RBFOX1: variants seen among roughly 807,000 people sequenced by gnomAD.
RBFOX1 encodes the protein RNA binding protein fox-1 homolog 1.
Under a neutral mutation model 57.7 loss-of-function variants are expected in RBFOX1, and 8 were observed. The ratio of observed to expected loss-of-function variants is 0.14; its 90% CI spans 0.08 to 0.25. The LOEUF (loss-of-function observed/expected upper bound fraction) is 0.25. Among genes scored for constraint, RBFOX1 ranks in the 10% least tolerant of loss-of-function variants. The pLI is 1.00. For synonymous variants in RBFOX1, 326 were observed against 222.4 expected (o/e 1.47, Z -4.15); for missense variants, 611 against 548.5 (o/e 1.11, Z -1.14).
intron 4 of RBFOX1, among the ~76,000 whole-genome samples, chr16:5,899,841 A>G (rs2058263716): frequency 1.3e-5 from 2 of 152,308 alleles, no homozygotes; most frequent in South Asian, 2.1e-4. Context: ...TGGGAGACTG[A>G]GGCAGGTGGA....
At chr16:5,819,352 C>T (rs2055763089) in intron 3 of RBFOX1, among the ~76,000 whole-genome samples, 1 of 152,156 alleles carries the variant, frequency 6.6e-6, no homozygotes. Flanking sequence ...GGGGCCTCAC[C>T]TCTTTTAGGG....
intron 2 of RBFOX1, among the ~76,000 whole-genome samples, chr16:6,571,413 T>A (rs1017380056): frequency 6.6e-6 from 1 of 152,166 alleles, no homozygotes; most frequent in Non-Finnish European, 1.5e-5. Flanking sequence ...GTGACTGTGA[T>A]CTATGGCAGA....
At chr16:6,776,866 A>T (rs963299637) in intron 3 of RBFOX1, among the ~76,000 whole-genome samples, 1 of 152,360 alleles carries the variant, frequency 6.6e-6, no homozygotes, top group Non-Finnish European at 1.5e-5. Context: ...TGTGAAATGA[A>T]CATGGCATGT....
chr16:5,537,703 C>A (rs932815582), intron 2 of RBFOX1, among the ~76,000 whole-genome samples: 3 of 152,142 alleles, frequency 2.0e-5, no homozygotes, highest in Non-Finnish European at 2.9e-5. Context: ...CTGGTTGAAT[C>A]CTTCTCATTT....
intron 10 of RBFOX1, among the ~76,000 whole-genome samples, chr16:7,628,344 CATTT>C (rs1315599566): frequency 1.3e-5 from 2 of 152,054 alleles, no homozygotes; most frequent in Admixed American, 6.6e-5. Context: ...GAAACACATT[CATTT>C]ATTTCTAAGA....
chr16:5,945,223 A>C (rs193002229), intron 4 of RBFOX1, among the ~76,000 whole-genome samples: 11 of 152,174 alleles, frequency 7.2e-5, no homozygotes, highest in African/African-American at 2.7e-4. Context: ...CAGATAAAAA[A>C]GCTGCCTGGC....
intron 4 of RBFOX1, among the ~76,000 whole-genome samples, chr16:5,958,557 G>C (rs1222127371): frequency 6.6e-6 from 1 of 152,220 alleles, no homozygotes; most frequent in Non-Finnish European, 1.5e-5. Flanking sequence ...GGGATGATAA[G>C]AGCAGGTGAG....
At chr16:5,818,353 G>T (rs1438816373) in intron 3 of RBFOX1, among the ~76,000 whole-genome samples, 2 of 152,150 alleles carry the variant, frequency 1.3e-5, no homozygotes, top group African/African-American at 2.4e-5. Flanking sequence ...TGTATATCAT[G>T]GGGTTCTCGC....
intron 4 of RBFOX1, among the ~76,000 whole-genome samples, chr16:7,487,309 T>G (rs189735197): frequency 6.6e-6 from 1 of 152,168 alleles, no homozygotes; most frequent in Non-Finnish European, 1.5e-5. Context: ...AGCGGCCCCA[T>G]CACTGTCTTG....
At chr16:6,646,669 A>T (rs571291540) in intron 2 of RBFOX1, among the ~76,000 whole-genome samples, 1 of 152,256 alleles carries the variant, frequency 6.6e-6, no homozygotes, top group East Asian at 1.9e-4. Context: ...GGGCAAAAGC[A>T]GACAGAGAGC....
rs987476435 is a variant in RBFOX1 at position 7,054,315 on chromosome 16, C to A, written c.27+2217C>A. Among the ~76,000 whole-genome samples the A allele has an allele frequency of 5.3e-5, 7 of 132,428 alleles. No homozygotes were observed. In the Admixed American group the frequency reaches 6.5e-4, roughly 12 times the overall value. The allele number at this position is 132,428 out of a possible 152,430, so 86.9% of individuals were successfully genotyped here. On this transcript the variant is annotated intron_variant, in intron 4 of 15. Coordinates refer to ENST00000550418, the MANE Select transcript of RBFOX1 (RefSeq NM_018723.4). Reference sequence around the variant, plus strand: ...AGTGCCGTGGCGCAATCTCAGTTCACCGCAACCTCTGACTCCCTGGTTTAA... The same window carrying A: ...AGTGCCGTGGCGCAATCTCAGTTCAACGCAACCTCTGACTCCCTGGTTTAA...
chr16:5,744,156 A>G (rs999162305), intron 3 of RBFOX1, among the ~76,000 whole-genome samples: 1 of 151,906 alleles, frequency 6.6e-6, no homozygotes, highest in Non-Finnish European at 1.5e-5. Context: ...TGCTTGTGCT[A>G]TGTTCCCCAT....
At chr16:6,648,824 T>G (rs752001297) in intron 2 of RBFOX1, among the ~76,000 whole-genome samples, 2 of 152,306 alleles carry the variant, frequency 1.3e-5, no homozygotes, top group South Asian at 4.1e-4. Flanking sequence ...GTATTTTTCT[T>G]TGCTTATTTA....
At chr16:6,979,898 G>C (rs1217588145) in intron 3 of RBFOX1, among the ~76,000 whole-genome samples, 1 of 152,136 alleles carries the variant, frequency 6.6e-6, no homozygotes, top group Non-Finnish European at 1.5e-5. Flanking sequence ...GTGGCCACAG[G>C]ACAAGATCTT....
intron 1 of RBFOX1, among the ~76,000 whole-genome samples, chr16:5,367,875 C>T (rs545202844): frequency 4.6e-5 from 7 of 152,098 alleles, no homozygotes; most frequent in Non-Finnish European, 8.8e-5. Context: ...GAGGAGGTTC[C>T]GTATTTGCTC....
chr16:6,158,447 C>G (rs17215179), intron 1 of RBFOX1, among the ~76,000 whole-genome samples: 55,426 of 151,992 alleles, frequency 0.36, 11,764 homozygotes, highest in Non-Finnish European at 0.48. Context: ...TGATTTTTCC[C>G]TCGTAAAGAA....
rs74455291 is a variant in RBFOX1, at chr16:7,708,822, G to A, written c.996-234G>A. Among the ~76,000 whole-genome samples the A allele has an allele frequency of 9.4e-4, 143 of 151,948 alleles. 2 individuals are homozygous for A. The highest frequency in any genetic ancestry group is 3.3e-3 in the African/African-American group (135 of 41,372). ...GGCAGGGAAAAGCATATGTAAGTAC[G>A]TGTGTATATATGTATTTATCTGTCA... is the stretch of plus-strand genomic sequence containing the variant. On this transcript the variant is annotated intron_variant, in intron 14 of 15. Transcript: ENST00000550418.
chr16:7,482,979 G>T (rs1398051093), intron 4 of RBFOX1, among the ~76,000 whole-genome samples: 1 of 152,144 alleles, frequency 6.6e-6, no homozygotes, highest in African/African-American at 2.4e-5. Flanking sequence ...ATCTGAAAAT[G>T]TGCCTATGAT....
intron 1 of RBFOX1, among the ~76,000 whole-genome samples, chr16:5,356,177 T>C (rs1567379217): frequency 6.6e-6 from 1 of 151,968 alleles, no homozygotes; most frequent in Non-Finnish European, 1.5e-5. Flanking sequence ...GAGTGACGCA[T>C]CTAACAGCCA....
Sources: gnomAD v4.1 joint callset for allele counts (sites outside exome capture counted in the v4.1 genomes callset) on GRCh38, gnomAD v4.1.1 for gene constraint, MANE v1.5 for transcripts, NCBI Gene and HGNC (gene_info 2026-07-23, HGNC 2026-07-21) for gene names.